The following FMNL2 variants were observed in gnomAD, a reference collection of about 807,000 sequenced individuals.
FMNL2 encodes formin like 2.
In FMNL2, 51 loss-of-function variants were observed where a neutral mutation model predicts 130.2. That is an observed-to-expected ratio of 0.39 (90% confidence interval 0.31 to 0.49). The LOEUF (loss-of-function observed/expected upper bound fraction) is 0.49, where lower values mean the gene tolerates loss of function less well. FMNL2 is among the 20% of genes least tolerant of loss of function. The probability of loss-of-function intolerance (pLI) is 0.85; values close to 1 mark genes in which losing one functional copy is unlikely to be tolerated. For missense variants in FMNL2, 977 were observed against 1,316.2 expected, an observed-to-expected ratio of 0.74 and a Z score of 3.99; for synonymous variants, 465 against 467.1, an observed-to-expected ratio of 1.00 and a Z score of 0.06.
chr2:152,547,756 G>T (rs1254509788), intron 3 of FMNL2, among the ~76,000 whole-genome samples: 2 of 152,174 alleles, frequency 1.3e-5, no homozygotes, highest in Admixed American at 1.3e-4. Flanking sequence ...AATTGTGGCA[G>T]CAGAGGAGAG....
At chr2:152,528,254 A>G (rs1222398037) in intron 2 of FMNL2, among the ~76,000 whole-genome samples, 1 of 152,140 alleles carries the variant, frequency 6.6e-6, no homozygotes, top group African/African-American at 2.4e-5. Context: ...CTGTGCACCA[A>G]ATGATAGGGT....
intron 1 of FMNL2, among the ~76,000 whole-genome samples, chr2:152,368,202 G>A (rs1333118923): frequency 6.6e-6 from 1 of 152,068 alleles, no homozygotes; most frequent in Admixed American, 6.6e-5. Flanking sequence ...TAATGATTTA[G>A]GTGCCTCTAA....
At chr2:152,346,269 C>G (rs1298513129) in intron 1 of FMNL2, among the ~76,000 whole-genome samples, 1 of 152,086 alleles carries the variant, frequency 6.6e-6, no homozygotes, top group East Asian at 1.9e-4. Context: ...AGGTGATCCG[C>G]CCACCCCAGC....
At chr2:152,383,911 C>T (rs1250635217) in intron 1 of FMNL2, among the ~76,000 whole-genome samples, 2 of 152,138 alleles carry the variant, frequency 1.3e-5, no homozygotes, top group African/African-American at 4.8e-5. Flanking sequence ...ACTGTATGTG[C>T]ATATTTTTCT....
At chr2:152,613,377 T>TA (rs1161912656) in intron 11 of FMNL2, among the ~76,000 whole-genome samples, 3 of 152,214 alleles carry the variant, frequency 2.0e-5, no homozygotes, top group Admixed American at 1.3e-4. Flanking sequence ...GGTACCCACT[T>TA]ATCACTGAAC....
intron 4 of FMNL2, among the ~76,000 whole-genome samples, chr2:152,552,947 C>T (rs1280932784): frequency 6.6e-6 from 1 of 152,198 alleles, no homozygotes; most frequent in Non-Finnish European, 1.5e-5. Context: ...TAGAAAATTA[C>T]TTTTCATCCT....
In FMNL2 at chr2:152,590,980, C is replaced by CTTT. The variant is rs1158391663; in HGVS notation, c.876+9973_876+9975dup. Among the ~76,000 whole-genome samples the CTTT allele has an allele frequency of 9.0e-4, 59 of 65,784 alleles. 6 individuals carry two copies. Among genetic ancestry groups the CTTT allele is most frequent in the Non-Finnish European group, 1.3e-3 (50 of 38,584 alleles). The allele number at this position is 65,784 out of a possible 152,430, so 43.2% of individuals were successfully genotyped here. On this transcript the variant is annotated intron_variant, in intron 9 of 25. Transcript: ENST00000288670. ...CAGAGTTAGATTTTCCCTCTGATAA[C>CTTT]TTTTTTTTTTTTTTTTTTTTTTTTT...
At chr2:152,485,373 C>T (rs997799292) in intron 1 of FMNL2, among the ~76,000 whole-genome samples, 1 of 152,150 alleles carries the variant, frequency 6.6e-6, no homozygotes, top group Non-Finnish European at 1.5e-5. Flanking sequence ...CACCTGTAGT[C>T]CCAGCTACTT....
chr2:152,467,478 T>C (rs1689616102), intron 1 of FMNL2, among the ~76,000 whole-genome samples: 1 of 152,198 alleles, frequency 6.6e-6, no homozygotes, highest in Non-Finnish European at 1.5e-5. Context: ...CGGCCCCTGT[T>C]TCCTACAAAT....
chr2:152,649,136 C>T lies in FMNL2; in HGVS notation c.*1231C>T, dbSNP rs1215668903. Reference sequence around the variant, plus strand: ...TAAAGTTTATTGTATAGTATTTAACCGCTGAAGTTCCTATTTTATGTTGTG... The same window carrying T: ...TAAAGTTTATTGTATAGTATTTAACTGCTGAAGTTCCTATTTTATGTTGTG... On this transcript the variant is annotated 3_prime_UTR_variant, in exon 26 of 26. Transcript: ENST00000288670. 2 of 152,512 alleles carry T rather than the reference C, an allele frequency of 1.3e-5. No homozygotes were observed. The highest frequency in any genetic ancestry group is 2.9e-5 in the Non-Finnish European group (2 of 68,028). The allele number at this position is 152,512 out of a possible 1,614,324, so 9.4% of individuals were successfully genotyped here.
In FMNL2 at chr2:152,421,680, A is replaced by T. The variant is rs922595377; in HGVS notation, c.117+85960A>T. On this transcript the variant is annotated intron_variant, in intron 1 of 25. Coordinates refer to ENST00000288670, the MANE Select transcript of FMNL2 (RefSeq NM_052905.4). ...GAGATGATTCAATTCTGTTGGCAGCAGTGCCTTTCCTGTTACTGATTACTG... is the reference window on the plus strand; with the variant it reads ...GAGATGATTCAATTCTGTTGGCAGCTGTGCCTTTCCTGTTACTGATTACTG... Among the ~76,000 whole-genome samples the T allele has an allele frequency of 2.6e-5, 4 of 152,172 alleles. 1 individual carries two copies. Among genetic ancestry groups the T allele is most frequent in the Non-Finnish European group, 5.9e-5 (4 of 68,022 alleles).
rs867430200 is a variant in FMNL2, at chr2:152,445,062, G to A, written c.118-76881G>A. Among the ~76,000 whole-genome samples the A allele has an allele frequency of 3.3e-5, 5 of 152,350 alleles. No individual in the cohort carries two copies. The Middle Eastern group carries it at 0.014, about 415-fold the overall frequency. ...AAAGATGGAAAGCATCTGCCCAGGA[G>A]TCTCCTTGAATCCCAAGTTGCAGAA... On this transcript the variant is annotated intron_variant, in intron 1 of 25. Transcript: ENST00000288670.
intron 1 of FMNL2, among the ~76,000 whole-genome samples, chr2:152,462,953 A>C (rs1689329065): frequency 6.6e-6 from 1 of 152,148 alleles, no homozygotes; most frequent in African/African-American, 2.4e-5. Context: ...TAGGGGGAAA[A>C]AATCTCATTA....
At chr2:152,456,150 C>T (rs1688944561) in intron 1 of FMNL2, among the ~76,000 whole-genome samples, 1 of 152,236 alleles carries the variant, frequency 6.6e-6, no homozygotes, top group African/African-American at 2.4e-5. Context: ...TTTGTCCTTT[C>T]TCTAAGCTCC....
At chr2:152,460,027 G>T (rs894910977) in intron 1 of FMNL2, among the ~76,000 whole-genome samples, 1 of 152,106 alleles carries the variant, frequency 6.6e-6, no homozygotes, top group Non-Finnish European at 1.5e-5. Context: ...ATCATGCTAG[G>T]CACTTTAATA....
In FMNL2 at chr2:152,597,436, A is replaced by G. The variant is rs74485030; in HGVS notation, c.877-9903A>G. On this transcript the variant is annotated intron_variant, in intron 9 of 25. Transcript: ENST00000288670. ...CTTTATGCAGACTCCCCATTTCATC[A>G]TCTAGAGTATCATAAAGATGTGTAT... Among the ~76,000 whole-genome samples the G allele has an allele frequency of 7.6e-3, 1,158 of 152,336 alleles. 16 individuals are homozygous for G. Among genetic ancestry groups the G allele is most frequent in the African/African-American group, 0.026 (1,067 of 41,584 alleles).
chr2:152,611,231 C>G (rs570190493), intron 10 of FMNL2, among the ~76,000 whole-genome samples: 1 of 151,946 alleles, frequency 6.6e-6, no homozygotes, highest in South Asian at 2.1e-4. Flanking sequence ...CCCAGCTACT[C>G]GGGAGGCCGA....
chr2:152,477,917 A>G (rs1186485076), intron 1 of FMNL2, among the ~76,000 whole-genome samples: 2 of 152,136 alleles, frequency 1.3e-5, no homozygotes, highest in African/African-American at 2.4e-5. Context: ...GTTGCTTCAT[A>G]CTACATGTAG....
At chr2:152,570,019 AAG>A (rs1491034868) in intron 6 of FMNL2, among the ~76,000 whole-genome samples, 74 of 131,606 alleles carry the variant, frequency 5.6e-4, no homozygotes, top group African/African-American at 2.0e-3. Context: ...TCAAAAAAAA[AAG>A]AAAAGAAAAG....
Sources: allele counts gnomAD v4.1 joint callset (sites outside exome capture counted in the v4.1 genomes callset), GRCh38; gene constraint gnomAD v4.1.1; transcripts MANE v1.5; gene names NCBI Gene and HGNC (gene_info 2026-07-23, HGNC 2026-07-21).